Variants in CIT observed in about 807,000 individuals in gnomAD.
The protein encoded by CIT is citron rho-interacting serine/threonine kinase, also known as citron Rho-interacting kinase.
CIT carries 79 observed loss-of-function variants against 272.7 expected under a neutral mutation model. That is an observed-to-expected ratio of 0.29 (90% CI 0.24 to 0.35). CIT has a LOEUF of 0.35. Ranked by LOEUF, CIT falls within the 10% of genes least tolerant of loss-of-function variation. The pLI is 1.00. For missense variants in CIT, 1,909 were observed against 2,618.3 expected, an observed-to-expected ratio of 0.73 and a Z score of 5.91; for synonymous variants, 948 against 995.6, an observed-to-expected ratio of 0.95 and a Z score of 0.90.
chr12:119,736,817 G>A (rs1181986555), intron 24 of CIT, among the ~76,000 whole-genome samples: 1 of 152,208 alleles, frequency 6.6e-6, no homozygotes, highest in East Asian at 1.9e-4. Flanking sequence ...CCTGTACGTA[G>A]TAAACCCATT....
At position 119,714,276 on chromosome 12, in the gene CIT, T is replaced by C; in HGVS notation, c.4227A>G (p.Val1409=). The change falls in exon 33 of 48, where the codon GTA becomes GTG. Residue 1409 remains valine (V), a synonymous_variant. Transcript: ENST00000392521. ...ACTTTGTGGCTCGCATGTTCAGTCC[T>C]ACGTTGAATCGGTGAGGAATATTGT... ...MHHNIPHRFN[V]GLNMRATKCA... The C allele has an allele frequency of 6.2e-7, 1 of 1,614,208 alleles. No individual in the cohort carries two copies. The highest frequency in any genetic ancestry group is 8.5e-7 in the Non-Finnish European group (1 of 1,180,044).
intron 9 of CIT, among the ~76,000 whole-genome samples, chr12:119,821,329 C>G (rs191102047): frequency 6.6e-6 from 1 of 151,880 alleles, no homozygotes; most frequent in African/African-American, 2.4e-5. Flanking sequence ...AAAGCAAATA[C>G]ATTTTGTGAG....
At chr12:119,831,777 G>A (rs1352204050) in intron 7 of CIT, among the ~76,000 whole-genome samples, 1 of 152,188 alleles carries the variant, frequency 6.6e-6, no homozygotes, top group Non-Finnish European at 1.5e-5. Flanking sequence ...GCTGAGGCAG[G>A]AGAATGGCGT....
At chr12:119,812,194 C>T (rs533209096) in intron 9 of CIT, among the ~76,000 whole-genome samples, 14 of 152,034 alleles carry the variant, frequency 9.2e-5, no homozygotes, top group South Asian at 8.3e-4. Context: ...GTGATCCGTC[C>T]GCCTTGGCCT....
chr12:119,876,500 C>T lies in CIT; in HGVS notation c.-13-319G>A, dbSNP rs56233820. On this transcript the variant is annotated intron_variant, in intron 1 of 47. Coordinates refer to ENST00000392521, the MANE Select transcript of CIT (RefSeq NM_001206999.2). The stretch of plus-strand genomic sequence containing the variant: ...ACATAGCCTGGCACACAAATAGGTG[C>T]GAATAGTTATTAAATGAATGACTGA... Among the ~76,000 whole-genome samples, 12,847 of 152,096 alleles carry T rather than the reference C, an allele frequency of 0.084. 1,355 individuals are homozygous for T. Among genetic ancestry groups the T allele is most frequent in the African/African-American group, 0.25 (10,301 of 41,452 alleles).
intron 18 of CIT, among the ~76,000 whole-genome samples, chr12:119,769,007 G>T (rs779831301): frequency 2.0e-5 from 3 of 151,840 alleles, no homozygotes; most frequent in Admixed American, 6.6e-5. Context: ...CCGGCGGGTG[G>T]CAAGATACAC....
Position 119,850,162 on chromosome 12 carries a change from G to A in CIT, c.516+12C>T, listed in dbSNP as rs1017610577. 1 of 1,505,532 alleles carries A rather than the reference G, an allele frequency of 6.6e-7. No homozygotes were observed. The highest frequency in any genetic ancestry group is 9.2e-7 in the Non-Finnish European group (1 of 1,081,438). The allele number at this position is 1,505,532 out of a possible 1,614,324, so 93.3% of individuals were successfully genotyped here. On this transcript the variant is annotated intron_variant, in intron 5 of 47. Transcript: ENST00000392521. The stretch of plus-strand genomic sequence containing the variant: ...CTAGGCTAATTCCAGAGAGACAGAT[G>A]TAAAGACTCACCAGATAAAGGTGAT...
intron 39 of CIT, among the ~76,000 whole-genome samples, chr12:119,708,643 G>A (rs375446339): frequency 5.3e-5 from 8 of 151,880 alleles, no homozygotes; most frequent in African/African-American, 1.7e-4. Flanking sequence ...ATGCTACCAC[G>A]CCTGGCTAAT....
At position 119,710,611 on chromosome 12, in the gene CIT, C is replaced by T; in HGVS notation, c.4864G>A (p.Gly1622Arg). 6.2e-7 allele frequency: 1 copy of T among 1,614,070 alleles called. No homozygotes were observed. Among genetic ancestry groups the T allele is most frequent in the Non-Finnish European group, 8.5e-7 (1 of 1,179,946 alleles). The change falls in exon 38 of 48, where the codon GGA becomes AGA. Residue 1622 changes from glycine (G) to arginine (R), a missense_variant. Gly to Arg is a moderately radical substitution (Grantham distance 125). This residue lies in a region of CIT where 780 missense variants were observed against 1,067.2 expected (regional missense o/e 0.73). Coordinates refer to ENST00000392521, the MANE Select transcript of CIT (RefSeq NM_001206999.2). The surrounding 1 kb of genome is among the most constrained non-coding windows in gnomAD (Gnocchi z 5.6). ...EKAEADAKLL[G>R]NSLLKLEGDD... ...CCTTCCAGTTTCAGCAGGGAGTTTC[C>T]AAGCAGTTTCTTTTCATAGGTGAAA...
At chr12:119,870,402 T>G (rs1339101514) in intron 2 of CIT, among the ~76,000 whole-genome samples, 1 of 151,600 alleles carries the variant, frequency 6.6e-6, no homozygotes, top group African/African-American at 2.4e-5. Context: ...ATACAAAAAT[T>G]AGCCAGGCGT....
At chr12:119,747,579 C>T (rs1033233333) in intron 23 of CIT, among the ~76,000 whole-genome samples, 7 of 150,048 alleles carry the variant, frequency 4.7e-5, no homozygotes. Context: ...ATTAACTGGG[C>T]GTGGTGGGCG....
chr12:119,752,925 G>C (rs1026132989), intron 22 of CIT, among the ~76,000 whole-genome samples: 1 of 152,190 alleles, frequency 6.6e-6, no homozygotes, highest in Non-Finnish European at 1.5e-5. Flanking sequence ...AAGTGCAACG[G>C]TCAGGACATG....
rs1046230751 is a variant in CIT, at chr12:119,691,749, G to A, written c.5883-1295C>T. On this transcript the variant is annotated intron_variant, in intron 46 of 47. Transcript: ENST00000392521. ...GCCAAACTCCCTCTCTGAAGATGTAGTAAGACCTACAAACACAGAGAGAAC... is the reference window on the plus strand; with the variant it reads ...GCCAAACTCCCTCTCTGAAGATGTAATAAGACCTACAAACACAGAGAGAAC... Among the ~76,000 whole-genome samples the A allele has an allele frequency of 2.0e-5, 3 of 152,190 alleles. No individual in the cohort carries two copies. The South Asian group carries it at 6.2e-4, about 31-fold the overall frequency.
At chr12:119,786,047 G>A (rs1201445227) in intron 10 of CIT, among the ~76,000 whole-genome samples, 1 of 151,832 alleles carries the variant, frequency 6.6e-6, no homozygotes, top group Non-Finnish European at 1.5e-5. Flanking sequence ...TGAACTCTTT[G>A]TTTTTGTTTT....
intron 2 of CIT, 52 bp from the exon 3 acceptor site, chr12:119,869,253 A>T: frequency 6.5e-7 from 1 of 1,543,936 alleles, no homozygotes; most frequent in African/African-American, 1.4e-5. Flanking sequence ...AAAAGCTTTG[A>T]TCAATAACAT....
chr12:119,742,614 TC>T, intron 23 of CIT, 150 bp from the exon 24 acceptor site: 1 of 560,130 alleles, frequency 1.8e-6, no homozygotes, highest in Non-Finnish European at 3.1e-6. Context: ...AATCAAATCA[TC>T]CCCAACACCA....
chr12:119,715,357 G>C (rs2137090099), intron 32 of CIT, among the ~76,000 whole-genome samples: 1 of 152,338 alleles, frequency 6.6e-6, no homozygotes, highest in East Asian at 1.9e-4. Flanking sequence ...GCCATGAAAG[G>C]AATGAAGTTC....
intron 8 of CIT, among the ~76,000 whole-genome samples, chr12:119,824,034 A>G (rs1967949775): frequency 1.4e-5 from 1 of 71,346 alleles, no homozygotes; most frequent in Non-Finnish European, 2.5e-5. Flanking sequence ...GCAAGACTCC[A>G]TCTCAAAAAA....
intron 16 of CIT, among the ~76,000 whole-genome samples, chr12:119,773,212 A>G (rs1372315371): frequency 6.6e-6 from 1 of 152,136 alleles, no homozygotes; most frequent in African/African-American, 2.4e-5. Flanking sequence ...TGGGGTATAT[A>G]AGATAATGGT....
Sources: allele counts gnomAD v4.1 joint callset (sites outside exome capture counted in the v4.1 genomes callset), GRCh38; gene constraint gnomAD v4.1.1; regional missense constraint gnomAD v4.1.1; non-coding constraint Gnocchi (gnomAD v3.1); transcripts MANE v1.5; gene names NCBI Gene and HGNC (gene_info 2026-07-23, HGNC 2026-07-21).